Variants in RFC1 observed in about 807,000 individuals in gnomAD.
The protein encoded by RFC1 is replication factor C subunit 1.
RFC1 carries 37 observed loss-of-function variants against 137.4 expected under a neutral mutation model. The ratio of observed to expected loss-of-function variants is 0.27; its 90% confidence interval spans 0.21 to 0.35. RFC1 has a LOEUF of 0.35. RFC1 is among the 10% of genes least tolerant of loss of function. RFC1 has a pLI of 1.00. For missense variants in RFC1, 1,205 were observed against 1,358.5 expected, an observed-to-expected ratio of 0.89 and a Z score of 1.78; for synonymous variants, 429 against 455.7, an observed-to-expected ratio of 0.94 and a Z score of 0.75.
At chr4:39,345,626 T>A in intron 2 of RFC1, 150 bp from the exon 3 acceptor site, 1 of 573,736 alleles carries the variant, frequency 1.7e-6, no homozygotes, top group Non-Finnish European at 3.0e-6. Context: ...GTTCACGCCA[T>A]TCTCCTGCCT....
At chr4:39,360,157 G>A (rs1578177803) in intron 1 of RFC1, among the ~76,000 whole-genome samples, 1 of 152,184 alleles carries the variant, frequency 6.6e-6, no homozygotes, top group Non-Finnish European at 1.5e-5. Context: ...TTTCAGGTCA[G>A]GAGTTTGAGA....
chr4:39,345,794 T>G (rs963847472), intron 2 of RFC1, among the ~76,000 whole-genome samples: 1 of 152,164 alleles, frequency 6.6e-6, no homozygotes, highest in Non-Finnish European at 1.5e-5. Context: ...CAGAAGGCAT[T>G]TGTCAATGTC....
At chr4:39,343,662 TGAGG>T (rs1473409753) in intron 3 of RFC1, among the ~76,000 whole-genome samples, 1 of 152,178 alleles carries the variant, frequency 6.6e-6, no homozygotes, top group Non-Finnish European at 1.5e-5. Flanking sequence ...ACAAAACTCC[TGAGG>T]AAGAGGAACG....
chr4:39,353,937 A>G (rs1218242084), intron 1 of RFC1, among the ~76,000 whole-genome samples: 1 of 152,224 alleles, frequency 6.6e-6, no homozygotes, highest in East Asian at 1.9e-4. Flanking sequence ...AAAGAAAACA[A>G]AATGTAATTC....
chr4:39,355,330 G>A (rs1309150413), intron 1 of RFC1, among the ~76,000 whole-genome samples: 4 of 151,880 alleles, frequency 2.6e-5, no homozygotes, highest in African/African-American at 7.3e-5. Context: ...AGCTACTCAG[G>A]AGGCTGGGGT....
intron 15 of RFC1, among the ~76,000 whole-genome samples, chr4:39,304,481 AT>A (rs1422691731): frequency 6.6e-6 from 1 of 152,230 alleles, no homozygotes; most frequent in Non-Finnish European, 1.5e-5. Context: ...AGTGAGGTTA[AT>A]AAGGTAATGA....
At chr4:39,326,462 T>G (rs1739772771) in intron 6 of RFC1, 101 bp downstream of exon 6, 2 of 787,394 alleles carry the variant, frequency 2.5e-6, no homozygotes, top group Non-Finnish European at 2.0e-6. Context: ...TTTAACTTAT[T>G]TTACATGTAA....
At chr4:39,290,414 GCAAA>G (rs1014745493) in intron 23 of RFC1, among the ~76,000 whole-genome samples, 1 of 151,280 alleles carries the variant, frequency 6.6e-6, no homozygotes, top group African/African-American at 2.4e-5. Flanking sequence ...GGAACTTTAG[GCAAA>G]CAAACAAACA....
chr4:39,353,422 T>TAAAAAAAAAAAAAAAAAAAAAAA (rs1332622799), intron 1 of RFC1, among the ~76,000 whole-genome samples: 1 of 105,478 alleles, frequency 9.5e-6, no homozygotes. Context: ...AAAAAAAAAT[T>TAAAAAAAAAAAAAAAAAAAAAAA]AAAAAAAAAG....
chr4:39,352,023 A>T (rs1205073544), intron 1 of RFC1, among the ~76,000 whole-genome samples: 3 of 152,124 alleles, frequency 2.0e-5, no homozygotes, highest in Admixed American at 2.0e-4. Flanking sequence ...AAATTCTCAG[A>T]ATCAGGCCAA....
At chr4:39,325,423 C>T (rs1739714417) in intron 6 of RFC1, among the ~76,000 whole-genome samples, 1 of 152,222 alleles carries the variant, frequency 6.6e-6, no homozygotes, top group Admixed American at 6.5e-5. Flanking sequence ...TGCTCTGTCA[C>T]CCAGGCTGGA....
chr4:39,347,946 T>C (rs1740939993), intron 2 of RFC1, among the ~76,000 whole-genome samples: 1 of 152,210 alleles, frequency 6.6e-6, no homozygotes. Context: ...CTGTGAATGA[T>C]GAAATCAGAT....
At chr4:39,309,124 T>G in intron 12 of RFC1, 92 bp from the exon 13 acceptor site, 1 of 1,369,510 alleles carries the variant, frequency 7.3e-7, no homozygotes, top group Non-Finnish European at 9.8e-7. Context: ...CAATCAGAGA[T>G]ATCCAAGTGG....
rs1404500911 is a variant in RFC1, at chr4:39,362,922, T to C, written c.3+3317A>G. Among the ~76,000 whole-genome samples, 3 of 152,228 alleles carry C rather than the reference T, an allele frequency of 2.0e-5. No individual in the cohort carries two copies. The East Asian group carries it at 5.8e-4, about 29-fold the overall frequency. On this transcript the variant is annotated intron_variant, in intron 1 of 24. Transcript: ENST00000349703. ...ACATATGCATGGCAAAAGCATATTA[T>C]TTGGCAAAAGCTATATTATAATAAA... is the stretch of plus-strand genomic sequence containing the variant.
At chr4:39,361,402 C>A (rs1212021966) in intron 1 of RFC1, among the ~76,000 whole-genome samples, 1 of 152,100 alleles carries the variant, frequency 6.6e-6, no homozygotes, top group Non-Finnish European at 1.5e-5. Context: ...ATCAATCAAT[C>A]AATCAATAAA....
At chr4:39,357,088 A>G (rs180765859) in intron 1 of RFC1, among the ~76,000 whole-genome samples, 2 of 152,370 alleles carry the variant, frequency 1.3e-5, no homozygotes, top group Admixed American at 6.5e-5. Context: ...TGAAGCTTTC[A>G]TTCTACTTTC....
At chr4:39,340,673 G>A (rs1278747949) in intron 4 of RFC1, among the ~76,000 whole-genome samples, 1 of 151,778 alleles carries the variant, frequency 6.6e-6, no homozygotes, top group African/African-American at 2.4e-5. Flanking sequence ...ATCTTATTGT[G>A]GGCTTTTTTT....
chr4:39,364,807 T>G (rs1741939522), intron 1 of RFC1, among the ~76,000 whole-genome samples: 1 of 152,160 alleles, frequency 6.6e-6, no homozygotes, highest in Admixed American at 6.5e-5. Flanking sequence ...AAACAGAGGC[T>G]TAAAGAGATT....
intron 4 of RFC1, among the ~76,000 whole-genome samples, chr4:39,338,328 TA>T (rs1740456152): frequency 6.6e-6 from 1 of 152,180 alleles, no homozygotes; most frequent in Non-Finnish European, 1.5e-5. Flanking sequence ...AACAATAATC[TA>T]AAAAGCTAGC....
Sources: gnomAD v4.1 joint callset for allele counts (sites outside exome capture counted in the v4.1 genomes callset) on GRCh38, gnomAD v4.1.1 for gene constraint, MANE v1.5 for transcripts, NCBI Gene and HGNC (gene_info 2026-07-23, HGNC 2026-07-21) for gene names.